The following CYP4X1 variants were observed in gnomAD, a reference collection of about 807,000 sequenced individuals.
CYP4X1 encodes cytochrome P450 4X1.
A neutral mutation model predicts 57.9 loss-of-function variants in CYP4X1; 44 were observed. The observed-to-expected ratio is 0.76, with a 90% CI of 0.60 to 0.98. The LOEUF (loss-of-function observed/expected upper bound fraction) is 0.98. Ranked by LOEUF, CYP4X1 falls within the 50% of genes least tolerant of loss-of-function variation. The probability of loss-of-function intolerance (pLI) is 0.00; values close to 1 mark genes in which losing one functional copy is unlikely to be tolerated. For synonymous variants in CYP4X1, 227 were observed against 228.6 expected, an observed-to-expected ratio of 0.99 and a Z score of 0.06; for missense variants, 532 against 623.9, an observed-to-expected ratio of 0.85 and a Z score of 1.57.
At chr1:47,052,723 T>C (rs939732881), downstream of CYP4X1, among the ~76,000 whole-genome samples, 2 of 152,180 alleles carry the variant, frequency 1.3e-5, no homozygotes, top group African/African-American at 4.8e-5. Context: ...CAAATTGTGT[T>C]TGCCCTAGAA....
At chr1:47,020,666 C>T (rs1410490056), upstream of CYP4X1, among the ~76,000 whole-genome samples, 1 of 152,226 alleles carries the variant, frequency 6.6e-6, no homozygotes, top group Non-Finnish European at 1.5e-5. Context: ...CAGTGAATCT[C>T]TGGAATCCCA....
chr1:47,043,942 G>C (rs1644274193), intron 8 of CYP4X1, among the ~76,000 whole-genome samples: 1 of 152,054 alleles, frequency 6.6e-6, no homozygotes, highest in Non-Finnish European at 1.5e-5. Context: ...TATTTGCATG[G>C]AATATTTTTT....
intron 2 of CYP4X1, among the ~76,000 whole-genome samples, chr1:47,030,642 A>G (rs1644115161): frequency 6.6e-6 from 1 of 152,228 alleles, no homozygotes; most frequent in Admixed American, 6.5e-5. Flanking sequence ...TGAGTCATCT[A>G]CTTCCCCACC....
chr1:46,994,641 C>T, the CYP4X1 span: 2 of 152,294 alleles, frequency 1.3e-5, no homozygotes, highest in South Asian at 2.1e-4. Flanking sequence ...GATCTTGGAC[C>T]CCAGTGTCCA....
the CYP4X1 span, among the ~76,000 whole-genome samples, chr1:46,993,947 T>C: frequency 3.3e-5 from 5 of 152,254 alleles, no homozygotes; most frequent in Non-Finnish European, 5.9e-5. Context: ...AGATCCCATT[T>C]GTCAATTTTG....
Position 47,035,821 on chromosome 1 carries a change from A to G in CYP4X1, c.508A>G (p.Ile170Val). 6.2e-7 allele frequency: 1 copy of G among 1,612,766 alleles called. No individual in the cohort carries two copies. The highest frequency in any genetic ancestry group is 2.2e-5 in the East Asian group (1 of 44,860). Reference sequence around the variant, plus strand: ...CCTGTGCCAGGATAAGTGGGAGAAGATTTGCAGCACTCAGGACACAAGCGT... The same window carrying G: ...CCTGTGCCAGGATAAGTGGGAGAAGGTTTGCAGCACTCAGGACACAAGCGT... ...VKMMLDKWEKICSTQDTSVEV... is the reference protein window; with the variant it reads ...VKMMLDKWEKVCSTQDTSVEV... Residue 170 changes from isoleucine (I) to valine (V), a missense_variant, in exon 5 of 12, where the codon ATT (isoleucine) becomes GTT (valine). Transcript: ENST00000371901.
At chr1:46,964,254 C>T in the CYP4X1 span, among the ~76,000 whole-genome samples, 1 of 152,222 alleles carries the variant, frequency 6.6e-6, no homozygotes, top group Non-Finnish European at 1.5e-5. Flanking sequence ...CAAAGTCATT[C>T]TCCGTCCATC....
downstream of CYP4X1, among the ~76,000 whole-genome samples, chr1:47,053,267 A>G (rs1250954524): frequency 1.3e-5 from 2 of 152,134 alleles, no homozygotes; most frequent in Non-Finnish European, 2.9e-5. Flanking sequence ...TTATGGCTGC[A>G]TAGTATTCCA....
chr1:46,963,290 G>A, the CYP4X1 span, among the ~76,000 whole-genome samples: 1 of 152,142 alleles, frequency 6.6e-6, no homozygotes, highest in African/African-American at 2.4e-5. Context: ...ATTTGATCCT[G>A]TCATTATGAT....
the CYP4X1 span, among the ~76,000 whole-genome samples, chr1:46,967,324 A>G: frequency 6.6e-6 from 1 of 152,188 alleles, no homozygotes; most frequent in African/African-American, 2.4e-5. Context: ...TGCTGTTTTA[A>G]GGCACTGACG....
At chr1:47,030,718 G>C (rs182187944) in intron 2 of CYP4X1, among the ~76,000 whole-genome samples, 2 of 152,058 alleles carry the variant, frequency 1.3e-5, no homozygotes, top group African/African-American at 4.8e-5. Flanking sequence ...TCCAGTTTTT[G>C]CCCTGTCAAC....
At chr1:47,048,919 G>A (rs1644331599) in intron 10 of CYP4X1, among the ~76,000 whole-genome samples, 1 of 152,212 alleles carries the variant, frequency 6.6e-6, no homozygotes, top group Non-Finnish European at 1.5e-5. Context: ...ATTTTGACTT[G>A]ATTTCTAAGT....
upstream of CYP4X1, among the ~76,000 whole-genome samples, chr1:47,022,042 A>G (rs1461526302): frequency 6.6e-6 from 1 of 152,202 alleles, no homozygotes; most frequent in South Asian, 2.1e-4. Context: ...GGGGAGGAAT[A>G]GGGCATAGAG....
the CYP4X1 span, among the ~76,000 whole-genome samples, chr1:46,992,511 C>A: frequency 5.5e-4 from 83 of 152,260 alleles, no homozygotes; most frequent in African/African-American, 1.9e-3. Flanking sequence ...CAGTATTTGT[C>A]TTTTTATGTC....
At chr1:47,014,732 T>A in the CYP4X1 span, among the ~76,000 whole-genome samples, 3 of 152,246 alleles carry the variant, frequency 2.0e-5, no homozygotes, top group Admixed American at 6.5e-5. Context: ...CACACTTCTC[T>A]GCTTGCCTCT....
chr1:47,028,371 G>T (rs1430181887), intron 1 of CYP4X1, among the ~76,000 whole-genome samples: 1 of 152,170 alleles, frequency 6.6e-6, no homozygotes, highest in Non-Finnish European at 1.5e-5. Context: ...AGTAGGGATT[G>T]TAATCATATC....
At chr1:47,018,686 G>C (rs997092916), upstream of CYP4X1, among the ~76,000 whole-genome samples, 5 of 152,116 alleles carry the variant, frequency 3.3e-5, no homozygotes, top group African/African-American at 1.2e-4. Flanking sequence ...TAAATAGGTT[G>C]CTGCTGTTTT....
chr1:47,019,690 C>T (rs1017728646), upstream of CYP4X1, among the ~76,000 whole-genome samples: 2 of 152,184 alleles, frequency 1.3e-5, no homozygotes, highest in East Asian at 3.9e-4. Flanking sequence ...TTCCCCATCC[C>T]AATTTATTCT....
At chr1:47,016,380 T>C in the CYP4X1 span, among the ~76,000 whole-genome samples, 13,960 of 151,472 alleles carry the variant, frequency 0.092, 820 homozygotes, top group African/African-American at 0.17. Flanking sequence ...CTTGCTCTGT[T>C]GCCCAGGCTG....
Sources: gnomAD v4.1 joint callset for allele counts (sites outside exome capture counted in the v4.1 genomes callset) on GRCh38, gnomAD v4.1.1 for gene constraint, MANE v1.5 for transcripts, NCBI Gene and HGNC (gene_info 2026-07-23, HGNC 2026-07-21) for gene names.